The following TBXAS1 variants were observed in gnomAD, a reference collection of about 807,000 sequenced individuals.
TBXAS1 encodes thromboxane-A synthase.
A neutral mutation model predicts 60.7 loss-of-function variants in TBXAS1; 48 were observed. The observed-to-expected ratio is 0.79, with a 90% CI of 0.63 to 1.01. The LOEUF (loss-of-function observed/expected upper bound fraction) is 1.01, where lower values mean the gene tolerates loss of function less well. TBXAS1 is among the 50% of genes least tolerant of loss of function. The pLI is 0.00. For missense variants in TBXAS1, 685 were observed against 686.3 expected (o/e 1.00, Z 0.02); for synonymous variants, 287 against 269.7 (o/e 1.06, Z -0.63).
intron 4 of TBXAS1, among the ~76,000 whole-genome samples, chr7:139,790,419 A>G (rs377227709): frequency 5.3e-5 from 8 of 152,348 alleles, no homozygotes; most frequent in African/African-American, 1.9e-4. Flanking sequence ...ACTGTTGTCT[A>G]TTCACCCTTT....
chr7:139,858,474 C>T (rs1800735168), intron 1 of TBXAS1, among the ~76,000 whole-genome samples: 2 of 152,170 alleles, frequency 1.3e-5, no homozygotes, highest in African/African-American at 2.4e-5. Flanking sequence ...TGACAGGTGA[C>T]AGGGGATGCC....
At chr7:140,019,713 A>G (rs1202713561) in intron 12 of TBXAS1, among the ~76,000 whole-genome samples, 1 of 152,186 alleles carries the variant, frequency 6.6e-6, no homozygotes, top group African/African-American at 2.4e-5. Flanking sequence ...TAAGCTGGAC[A>G]TAGGAAAGCT....
At chr7:139,825,180 A>T (rs1358650011), upstream of TBXAS1, among the ~76,000 whole-genome samples, 1 of 152,058 alleles carries the variant, frequency 6.6e-6, no homozygotes, top group Non-Finnish European at 1.5e-5. Flanking sequence ...ATATACAGAA[A>T]ATAGTGAAAT....
intron 9 of TBXAS1, among the ~76,000 whole-genome samples, chr7:139,984,896 A>G (rs1414864549): frequency 7.0e-6 from 1 of 142,806 alleles, no homozygotes; most frequent in African/African-American, 2.6e-5. Context: ...AGAAAGCAGC[A>G]AAGAAAGAAA....
At chr7:139,799,491 A>G (rs1797660596) in intron 4 of TBXAS1, among the ~76,000 whole-genome samples, 1 of 152,054 alleles carries the variant, frequency 6.6e-6, no homozygotes, top group African/African-American at 2.4e-5. Context: ...TCGGCCTCCC[A>G]AGTGCTAGGA....
intron 9 of TBXAS1, chr7:139,962,473 C>G: frequency 2.1e-6 from 1 of 465,254 alleles, no homozygotes. Flanking sequence ...CTGGGGTAGT[C>G]CATGAAGCCA....
At chr7:139,889,232 G>A (rs1353853108) in intron 3 of TBXAS1, among the ~76,000 whole-genome samples, 1 of 151,936 alleles carries the variant, frequency 6.6e-6, no homozygotes, top group African/African-American at 2.4e-5. Flanking sequence ...TACTTTGGAG[G>A]CTGAGATAGG....
intron 1 of TBXAS1, among the ~76,000 whole-genome samples, chr7:139,861,174 C>CA (rs11336231): frequency 0.084 from 10,932 of 129,930 alleles, 1,311 homozygotes; most frequent in African/African-American, 0.28. Flanking sequence ...AACTCTGTCT[C>CA]AAAAAAAAAA....
At chr7:139,865,869 AGGAG>A (rs1481655707) in intron 1 of TBXAS1, among the ~76,000 whole-genome samples, 24 of 88,778 alleles carry the variant, frequency 2.7e-4, no homozygotes, top group African/African-American at 8.6e-4. Context: ...GGAGGAAGGA[AGGAG>A]GGAGGGAGGG....
chr7:139,952,012 A>AAGAAAGAAAG (rs746618111), intron 5 of TBXAS1, among the ~76,000 whole-genome samples: 26 of 111,232 alleles, frequency 2.3e-4, no homozygotes, highest in Non-Finnish European at 3.8e-4. Flanking sequence ...GAAAGAAAGA[A>AAGAAAGAAAG]AAAGAAAGGA....
intron 9 of TBXAS1, among the ~76,000 whole-genome samples, chr7:139,969,482 A>G (rs1387154449): frequency 8.2e-6 from 1 of 122,616 alleles, no homozygotes; most frequent in Non-Finnish European, 1.7e-5. Context: ...AAAAAAAAAA[A>G]GCCGTTTTAC....
chr7:139,810,579 A>G (rs1319922968), intron 4 of TBXAS1, among the ~76,000 whole-genome samples: 1 of 152,170 alleles, frequency 6.6e-6, no homozygotes, highest in Non-Finnish European at 1.5e-5. Context: ...ATTTCTAAGC[A>G]TTTTTAGAGG....
intron 5 of TBXAS1, among the ~76,000 whole-genome samples, chr7:139,952,014 A>AAAGAAAG (rs1569518460): frequency 0.025 from 1,022 of 40,110 alleles, 8 homozygotes; most frequent in South Asian, 0.034. Flanking sequence ...AAGAAAGAAA[A>AAAGAAAG]AGAAAGGAAG....
At chr7:139,889,043 C>T (rs1428492352) in intron 3 of TBXAS1, among the ~76,000 whole-genome samples, 1 of 151,858 alleles carries the variant, frequency 6.6e-6, no homozygotes, top group East Asian at 1.9e-4. Flanking sequence ...GAGAAAGTGT[C>T]CTGTAGTGGC....
At chr7:139,873,905 A>C (rs535601233) in intron 2 of TBXAS1, among the ~76,000 whole-genome samples, 37 of 152,264 alleles carry the variant, frequency 2.4e-4, no homozygotes, top group African/African-American at 8.7e-4. Flanking sequence ...ATTTGGGACA[A>C]TCCTGATAAT....
chr7:139,998,125 A>T (rs1414673639), intron 9 of TBXAS1, among the ~76,000 whole-genome samples: 2 of 152,230 alleles, frequency 1.3e-5, no homozygotes, highest in East Asian at 3.8e-4. Context: ...AAAAGCCTGC[A>T]TGGAAATATT....
At chr7:140,015,140 A>G (rs1158670123) in intron 10 of TBXAS1, among the ~76,000 whole-genome samples, 1 of 152,190 alleles carries the variant, frequency 6.6e-6, no homozygotes, top group South Asian at 2.1e-4. Flanking sequence ...AGACAGACCA[A>G]GTCAGATGAA....
intron 4 of TBXAS1, among the ~76,000 whole-genome samples, chr7:139,922,793 G>A (rs1392571842): frequency 6.6e-6 from 1 of 152,158 alleles, no homozygotes; most frequent in Non-Finnish European, 1.5e-5. Flanking sequence ...TAACTTTTGT[G>A]TATAGAGTGA....
At position 139,983,180 on chromosome 7, in the gene TBXAS1, G is replaced by A. The variant is rs192849668; in HGVS notation, c.1134+20947G>A. On this transcript the variant is annotated intron_variant, in intron 9 of 12. Transcript: ENST00000448866. ...ATTTTAAACCAAATTGTCTTGGTAC[G>A]CACCCTCTGATCTTTGGCATCTTAC... 3.1e-4 allele frequency among the ~76,000 whole-genome samples: 47 copies of A among 152,092 alleles called. No homozygotes were observed. In the East Asian group the frequency reaches 7.9e-3, roughly 26 times the overall value.
Sources: allele counts gnomAD v4.1 joint callset (sites outside exome capture counted in the v4.1 genomes callset), GRCh38; gene constraint gnomAD v4.1.1; transcripts MANE v1.5; gene names NCBI Gene and HGNC (gene_info 2026-07-23, HGNC 2026-07-21).